Variants in ST6GALNAC3 observed in about 807,000 individuals in gnomAD.
The protein encoded by ST6GALNAC3 is ST6 N-acetylgalactosaminide alpha-2,6-sialyltransferase 3, also known as alpha-N-acetylgalactosaminide alpha-2,6-sialyltransferase 3.
A neutral mutation model predicts 32.7 loss-of-function variants in ST6GALNAC3; 25 were observed. That is an observed-to-expected ratio of 0.76 (90% CI 0.56 to 1.07). ST6GALNAC3 has a LOEUF of 1.07. ST6GALNAC3 is among the 50% of genes least tolerant of loss of function. The probability of loss-of-function intolerance (pLI) is 0.00; values close to 1 mark genes in which losing one functional copy is unlikely to be tolerated. For missense variants in ST6GALNAC3, 355 were observed against 382.4 expected (o/e 0.93, Z 0.60); for synonymous variants, 129 against 133.1 (o/e 0.97, Z 0.21).
chr1:76,630,755 G>A lies in ST6GALNAC3; in HGVS notation c.*1949G>A, dbSNP rs963049987. 50 of 985,606 alleles carry A rather than the reference G, an allele frequency of 5.1e-5. No individual in the cohort carries two copies. Among genetic ancestry groups the A allele is most frequent in the Middle Eastern group, 5.2e-4 (1 of 1,914 alleles). 61.1% of individuals were successfully genotyped at this position (985,606 alleles called of 1,614,324 possible). Reference sequence around the variant, plus strand: ...TTACTAAGCCCCAGTTCTATCGTTGGAAGGAGTTGTTATTCTTTTGTTGTT... The same window carrying A: ...TTACTAAGCCCCAGTTCTATCGTTGAAAGGAGTTGTTATTCTTTTGTTGTT... On this transcript the variant is annotated 3_prime_UTR_variant, in exon 5 of 5. Coordinates refer to ENST00000328299, the MANE Select transcript of ST6GALNAC3 (RefSeq NM_152996.4).
chr1:76,150,704 C>T (rs1436591975), intron 1 of ST6GALNAC3, among the ~76,000 whole-genome samples: 1 of 152,158 alleles, frequency 6.6e-6, no homozygotes, highest in Non-Finnish European at 1.5e-5. Context: ...AAACAGCGTA[C>T]ACTCCCTGCT....
intron 2 of ST6GALNAC3, among the ~76,000 whole-genome samples, chr1:76,344,894 C>T (rs1648369678): frequency 6.6e-6 from 1 of 152,142 alleles, no homozygotes; most frequent in Non-Finnish European, 1.5e-5. Flanking sequence ...CTCTACTGCC[C>T]TGTTGGCGCC....
chr1:76,563,683 G>A (rs1665381590), intron 3 of ST6GALNAC3, among the ~76,000 whole-genome samples: 1 of 152,128 alleles, frequency 6.6e-6, no homozygotes, highest in South Asian at 2.1e-4. Context: ...TTTACCCAGT[G>A]GAGAAAACTG....
At chr1:76,098,160 A>G (rs1647165764) in intron 1 of ST6GALNAC3, among the ~76,000 whole-genome samples, 1 of 152,196 alleles carries the variant, frequency 6.6e-6, no homozygotes, top group Non-Finnish European at 1.5e-5. Context: ...TTGCATTTCC[A>G]CCATACATAT....
chr1:76,335,290 C>G (rs1647371539), intron 2 of ST6GALNAC3, among the ~76,000 whole-genome samples: 1 of 152,144 alleles, frequency 6.6e-6, no homozygotes, highest in African/African-American at 2.4e-5. Context: ...TTTTGTTTTA[C>G]AATAATTTGT....
At chr1:76,475,004 A>G (rs1163694748) in intron 3 of ST6GALNAC3, among the ~76,000 whole-genome samples, 1 of 152,186 alleles carries the variant, frequency 6.6e-6, no homozygotes, top group South Asian at 2.1e-4. Context: ...CAATGGAAGG[A>G]TAAGAGATGC....
intron 3 of ST6GALNAC3, among the ~76,000 whole-genome samples, chr1:76,567,898 A>G (rs1351783667): frequency 2.0e-5 from 3 of 152,220 alleles, no homozygotes. Context: ...TCTCTAATGC[A>G]TATATATTTG....
Position 76,468,720 on chromosome 1 carries a change from A to G in ST6GALNAC3, c.623+56303A>G, listed in dbSNP as rs189596078. Reference sequence around the variant, plus strand: ...TTATCTCAATTGAGGCTAAGGGACTAAGGGATTCCCTGTCCAGTGTGTGAT... The same window carrying G: ...TTATCTCAATTGAGGCTAAGGGACTGAGGGATTCCCTGTCCAGTGTGTGAT... On this transcript the variant is annotated intron_variant, in intron 3 of 4. Transcript: ENST00000328299. 1.5e-3 allele frequency among the ~76,000 whole-genome samples: 234 copies of G among 152,168 alleles called. 2 individuals carry two copies. Among genetic ancestry groups the G allele is most frequent in the African/African-American group, 5.4e-3 (226 of 41,566 alleles).
chr1:76,135,307 G>T (rs1649872360), intron 1 of ST6GALNAC3, among the ~76,000 whole-genome samples: 1 of 152,174 alleles, frequency 6.6e-6, no homozygotes, highest in African/African-American at 2.4e-5. Flanking sequence ...TTTTGCATTT[G>T]TGTTAATCTA....
At chr1:76,301,893 T>C (rs1283396600) in intron 1 of ST6GALNAC3, among the ~76,000 whole-genome samples, 4 of 151,846 alleles carry the variant, frequency 2.6e-5, no homozygotes, top group Non-Finnish European at 5.9e-5. Context: ...CAAAAAGGTA[T>C]TTTGCATTGG....
chr1:76,260,492 A>T (rs757112965), intron 1 of ST6GALNAC3, among the ~76,000 whole-genome samples: 27 of 152,184 alleles, frequency 1.8e-4, no homozygotes, highest in Non-Finnish European at 3.5e-4. Context: ...TCATTCAATC[A>T]CAACAACAGC....
In ST6GALNAC3 at chr1:76,412,304, C is replaced by A. The variant is rs761379368; in HGVS notation, c.510C>A (p.Tyr170Ter). 2 of 1,613,562 alleles carry A rather than the reference C, an allele frequency of 1.2e-6. No individual in the cohort carries two copies. The highest frequency in any genetic ancestry group is 8.5e-7 in the Non-Finnish European group (1 of 1,179,752). ...NMRKDGNGIV[Y>*]NMLKKTVGIY... ...GGAAAGATGGCAATGGCATCGTTTA[C>A]AACATGTTGAAAAAGACAGTTGGTA... Residue 170 changes from tyrosine (Y) to a stop codon, truncating the protein, a stop_gained, in exon 3 of 5, where the codon TAC (tyrosine) becomes TAA (stop). Coordinates refer to ENST00000328299, the MANE Select transcript of ST6GALNAC3 (RefSeq NM_152996.4). LOFTEE classifies it high-confidence loss of function.
intron 2 of ST6GALNAC3, among the ~76,000 whole-genome samples, chr1:76,388,119 TA>T (rs199556980): frequency 0.013 from 1,945 of 146,064 alleles, 47 homozygotes; most frequent in African/African-American, 0.043. Flanking sequence ...CAGTTGCAAG[TA>T]AAAAAAAAAA....
At chr1:76,482,905 G>A (rs1441376540) in intron 3 of ST6GALNAC3, among the ~76,000 whole-genome samples, 1 of 135,496 alleles carries the variant, frequency 7.4e-6, no homozygotes, top group Non-Finnish European at 1.5e-5. Context: ...GCCCGGGTGT[G>A]TGATGTTCCC....
chr1:76,628,825 T>C lies in ST6GALNAC3; in HGVS notation c.*19T>C, dbSNP rs758927659. 4.4e-6 allele frequency: 7 copies of C among 1,608,490 alleles called. No homozygotes were observed. In the South Asian group the frequency reaches 6.6e-5, roughly 15 times the overall value. On this transcript the variant is annotated 3_prime_UTR_variant, in exon 5 of 5. Transcript: ENST00000328299. ...GTCTTGATAATGGTTTTCCTGATCT[T>C]GCCGCATCACTTAATGTGATCCCCA...
At chr1:76,342,471 C>CT (rs909100987) in intron 2 of ST6GALNAC3, among the ~76,000 whole-genome samples, 3 of 151,384 alleles carry the variant, frequency 2.0e-5, no homozygotes, top group African/African-American at 7.3e-5. Context: ...TGATCATGAG[C>CT]TTTTTTTTCA....
chr1:76,550,721 T>C (rs759130039), intron 3 of ST6GALNAC3, among the ~76,000 whole-genome samples: 2 of 152,236 alleles, frequency 1.3e-5, no homozygotes. Context: ...ATCTAACTTA[T>C]AATGGATAAA....
chr1:76,094,571 A>G (rs550300154), intron 1 of ST6GALNAC3, among the ~76,000 whole-genome samples: 88 of 152,112 alleles, frequency 5.8e-4, no homozygotes, highest in Non-Finnish European at 9.8e-4. Flanking sequence ...CGGGATTGTG[A>G]ACTGGGAAGT....
At chr1:76,273,733 G>A (rs1557743810) in intron 1 of ST6GALNAC3, among the ~76,000 whole-genome samples, 1 of 152,192 alleles carries the variant, frequency 6.6e-6, no homozygotes, top group Non-Finnish European at 1.5e-5. Flanking sequence ...CATGCACTGA[G>A]AGCCTTAAGA....
Sources: gnomAD v4.1 joint callset for allele counts (sites outside exome capture counted in the v4.1 genomes callset) on GRCh38, gnomAD v4.1.1 for gene constraint, MANE v1.5 for transcripts, NCBI Gene and HGNC (gene_info 2026-07-23, HGNC 2026-07-21) for gene names.